MTUS2: variants seen among roughly 807,000 people sequenced by gnomAD.
MTUS2 encodes microtubule associated scaffold protein 2, also known as microtubule-associated tumor suppressor candidate 2.
A neutral mutation model predicts 114.1 loss-of-function variants in MTUS2; 40 were observed. The observed-to-expected ratio is 0.35, with a 90% confidence interval of 0.27 to 0.46. MTUS2 has a LOEUF of 0.46. Among genes scored for constraint, MTUS2 ranks in the 20% least tolerant of loss-of-function variants. MTUS2 has a pLI of 1.00. For synonymous variants in MTUS2, 688 were observed against 672.0 expected (o/e 1.02, Z -0.37); for missense variants, 1,679 against 1,705.4 (o/e 0.98, Z 0.27).
chr13:29,281,998 A>G, intron 6 of MTUS2, 133 bp downstream of exon 6: 1 of 1,016,820 alleles, frequency 9.8e-7, no homozygotes, highest in Non-Finnish European at 1.4e-6. Flanking sequence ...AGTAACAATA[A>G]TACCACTGCT....
intron 8 of MTUS2, among the ~76,000 whole-genome samples, chr13:29,427,617 T>A (rs1876646681): frequency 6.6e-6 from 1 of 152,224 alleles, no homozygotes; most frequent in Non-Finnish European, 1.5e-5. Flanking sequence ...AGGCAAACAT[T>A]CCAGTCTGTT....
chr13:29,275,501 C>G (rs1898030939), intron 5 of MTUS2, among the ~76,000 whole-genome samples: 1 of 152,158 alleles, frequency 6.6e-6, no homozygotes, highest in Non-Finnish European at 1.5e-5. Flanking sequence ...ACCATCCCTA[C>G]TCCCTCTGCT....
intron 5 of MTUS2, among the ~76,000 whole-genome samples, chr13:29,225,172 G>T (rs1896057193): frequency 6.6e-6 from 1 of 152,226 alleles, no homozygotes; most frequent in African/African-American, 2.4e-5. Context: ...CAGCCTGGGA[G>T]CCTGGTGAGC....
intron 7 of MTUS2, among the ~76,000 whole-genome samples, chr13:29,344,636 T>C (rs1451858890): frequency 6.6e-6 from 1 of 152,172 alleles, no homozygotes; most frequent in African/African-American, 2.4e-5. Flanking sequence ...GTGGAACATT[T>C]AGGCCATTAA....
intron 7 of MTUS2, among the ~76,000 whole-genome samples, chr13:29,346,241 G>A (rs1197532664): frequency 6.6e-6 from 1 of 152,132 alleles, no homozygotes; most frequent in African/African-American, 2.4e-5. Context: ...TTTCTTAGGT[G>A]GTGGACAGGG....
At chr13:28,986,204 G>C (rs1305766127) in intron 2 of MTUS2, among the ~76,000 whole-genome samples, 2 of 152,038 alleles carry the variant, frequency 1.3e-5, no homozygotes, top group Non-Finnish European at 2.9e-5. Context: ...TTGGGAGCGG[G>C]CATAGATGGC....
intron 3 of MTUS2, among the ~76,000 whole-genome samples, chr13:29,028,901 T>C (rs1215015645): frequency 2.0e-5 from 3 of 152,048 alleles, no homozygotes; most frequent in Non-Finnish European, 4.4e-5. Flanking sequence ...GTACCAAGGG[T>C]TTCTAGAGAT....
chr13:29,138,167 G>A (rs1892062990), intron 5 of MTUS2, among the ~76,000 whole-genome samples: 1 of 152,168 alleles, frequency 6.6e-6, no homozygotes, highest in African/African-American at 2.4e-5. Flanking sequence ...GCTGCCTGCT[G>A]TGGGACTGGG....
intron 4 of MTUS2, among the ~76,000 whole-genome samples, chr13:29,088,220 A>G (rs192779059): frequency 6.6e-6 from 1 of 152,016 alleles, no homozygotes; most frequent in Admixed American, 6.5e-5. Context: ...TTGTGCTTTA[A>G]TTTTTATTTT....
chr13:28,957,908 A>G (rs1266019969), intron 2 of MTUS2, among the ~76,000 whole-genome samples: 10 of 152,240 alleles, frequency 6.6e-5, no homozygotes, highest in Non-Finnish European at 1.5e-4. Flanking sequence ...GTAGCATTCT[A>G]TGTTTTGTGA....
At chr13:29,282,338 C>G (rs562411688) in intron 6 of MTUS2, among the ~76,000 whole-genome samples, 2 of 152,322 alleles carry the variant, frequency 1.3e-5, no homozygotes, top group South Asian at 2.1e-4. Context: ...TCCACTACTC[C>G]CATGGTAGGG....
chr13:28,976,222 A>AG (rs1884094820), intron 2 of MTUS2, among the ~76,000 whole-genome samples: 2 of 103,810 alleles, frequency 1.9e-5, no homozygotes, highest in Non-Finnish European at 4.0e-5. Context: ...AAAAAAAAAA[A>AG]AAGAAAAGAA....
intron 8 of MTUS2, among the ~76,000 whole-genome samples, chr13:29,369,182 A>G (rs1164422691): frequency 1.3e-5 from 2 of 152,214 alleles, no homozygotes; most frequent in Non-Finnish European, 2.9e-5. Flanking sequence ...AGTATCTGTA[A>G]AGAGGTAAGG....
intron 8 of MTUS2, among the ~76,000 whole-genome samples, chr13:29,407,259 A>G (rs1043287793): frequency 6.6e-6 from 1 of 152,076 alleles, no homozygotes; most frequent in Non-Finnish European, 1.5e-5. Context: ...AATAATAAGT[A>G]AAAGATATTT....
At chr13:29,390,786 A>ATGT (rs1227670004) in intron 8 of MTUS2, among the ~76,000 whole-genome samples, 1 of 150,656 alleles carries the variant, frequency 6.6e-6, no homozygotes, top group Non-Finnish European at 1.5e-5. Context: ...GATGATGATG[A>ATGT]TGATGATGAT....
At chr13:28,919,950 G>A (rs998732296) in intron 2 of MTUS2, among the ~76,000 whole-genome samples, 3 of 152,140 alleles carry the variant, frequency 2.0e-5, no homozygotes, top group African/African-American at 7.2e-5. Flanking sequence ...AAATTTATCT[G>A]ATAGAATTCT....
At chr13:29,146,941 T>G (rs370403433) in intron 5 of MTUS2, among the ~76,000 whole-genome samples, 6 of 152,184 alleles carry the variant, frequency 3.9e-5, no homozygotes, top group South Asian at 4.1e-4. Flanking sequence ...TAATTGTTGT[T>G]GTGGTGTCAA....
At chr13:28,955,974 T>C (rs895410825) in intron 2 of MTUS2, among the ~76,000 whole-genome samples, 3 of 151,726 alleles carry the variant, frequency 2.0e-5, no homozygotes, top group Non-Finnish European at 4.4e-5. Flanking sequence ...GTGAGTTCTT[T>C]AGTGGTGATT....
At position 29,380,808 on chromosome 13, in the gene MTUS2, C is replaced by T. The variant is rs1266848305; in HGVS notation, c.3117+21335C>T. On this transcript the variant is annotated intron_variant, in intron 8 of 15. Coordinates refer to ENST00000612955, the MANE Select transcript of MTUS2 (RefSeq NM_001033602.4). ...GCGGGCACCTGTAGTCCCAGCTACT[C>T]GGGAGGCTGAGGCAGGAGAATGGCG... Among the ~76,000 whole-genome samples the T allele has an allele frequency of 3.4e-5, 2 of 59,148 alleles. 1 individual carries two copies. Among genetic ancestry groups the T allele is most frequent in the African/African-American group, 7.4e-5 (2 of 27,158 alleles). The allele number at this position is 59,148 out of a possible 152,430, so 38.8% of individuals were successfully genotyped here.
Sources: gnomAD v4.1 joint callset for allele counts (sites outside exome capture counted in the v4.1 genomes callset) on GRCh38, gnomAD v4.1.1 for gene constraint, MANE v1.5 for transcripts, NCBI Gene and HGNC (gene_info 2026-07-23, HGNC 2026-07-21) for gene names.